NTRK2: variants seen among roughly 807,000 people sequenced by gnomAD.
NTRK2 encodes BDNF/NT-3 growth factors receptor.
Under a neutral mutation model 94.5 loss-of-function variants are expected in NTRK2, and 13 were observed. That is an observed-to-expected ratio of 0.14 (90% CI 0.09 to 0.22). NTRK2 has a LOEUF of 0.22. Ranked by LOEUF, NTRK2 falls within the 10% of genes least tolerant of loss-of-function variation. The probability of loss-of-function intolerance (pLI) is 1.00; values close to 1 mark genes in which losing one functional copy is unlikely to be tolerated. For synonymous variants in NTRK2, 372 were observed against 407.4 expected, an observed-to-expected ratio of 0.91 and a Z score of 1.05; for missense variants, 639 against 1,071.2, an observed-to-expected ratio of 0.60 and a Z score of 5.63.
At chr9:84,812,024 A>G in intron 12 of NTRK2, 1 of 1,050,728 alleles carries the variant, frequency 9.5e-7, no homozygotes, top group Non-Finnish European at 1.1e-6. Flanking sequence ...CACAGACGCC[A>G]TAGCTGGATT....
chr9:84,701,318 A>G (rs1416614283), intron 2 of NTRK2, among the ~76,000 whole-genome samples: 5 of 152,136 alleles, frequency 3.3e-5, no homozygotes, highest in African/African-American at 9.7e-5. Flanking sequence ...TGTAGCAGAA[A>G]ATTTCCCCAT....
upstream of NTRK2, chr9:84,668,803 G>A (rs974786597): frequency 2.6e-5 from 4 of 152,246 alleles, no homozygotes; most frequent in African/African-American, 9.7e-5. Context: ...AGGGGAGCAA[G>A]GGCTTGGGAT....
chr9:84,951,611 C>A (rs1470717604), intron 16 of NTRK2, among the ~76,000 whole-genome samples: 1 of 152,198 alleles, frequency 6.6e-6, no homozygotes, highest in Non-Finnish European at 1.5e-5. Context: ...TTCTCCCTAG[C>A]TCTCCTTCCT....
intron 12 of NTRK2, among the ~76,000 whole-genome samples, chr9:84,783,485 C>T (rs546935374): frequency 6.6e-6 from 1 of 152,262 alleles, no homozygotes; most frequent in Admixed American, 6.5e-5. Context: ...AGATATGTGT[C>T]TGTATCAGGC....
intron 17 of NTRK2, among the ~76,000 whole-genome samples, chr9:84,999,845 TGTTTCCTGTAG>T (rs1457838446): frequency 1.3e-5 from 2 of 152,120 alleles, no homozygotes; most frequent in African/African-American, 4.8e-5. Flanking sequence ...TCCACCCCAC[TGTTTCCTGTAG>T]GTTTCCTCCA....
At chr9:84,881,959 T>C (rs2076266285) in intron 14 of NTRK2, among the ~76,000 whole-genome samples, 1 of 152,222 alleles carries the variant, frequency 6.6e-6, no homozygotes, top group South Asian at 2.1e-4. Context: ...ATTTCTCTCA[T>C]TGAATTTACA....
At chr9:85,010,482 C>T (rs1831442547) in intron 17 of NTRK2, among the ~76,000 whole-genome samples, 2 of 152,138 alleles carry the variant, frequency 1.3e-5, no homozygotes, top group Admixed American at 6.5e-5. Context: ...TTTAAAAAGG[C>T]AGCTTAAAGA....
intron 17 of NTRK2, among the ~76,000 whole-genome samples, chr9:84,994,352 A>C (rs1829466212): frequency 1.3e-5 from 2 of 152,234 alleles, no homozygotes; most frequent in African/African-American, 4.8e-5. Context: ...AATGTTCAAT[A>C]AATGAATGAT....
rs751142057 is a variant in NTRK2 at position 84,973,005 on chromosome 9, C to T, written c.2172+17488C>T. Among the ~76,000 whole-genome samples the T allele has an allele frequency of 5.1e-4, 78 of 152,324 alleles. No individual in the cohort carries two copies. In the Middle Eastern group the frequency reaches 0.017, roughly 33 times the overall value. ...CCATGCTTTCCTTCCTTCTTTCAAACTTGCCAAACTTCATCTGAGCTTTCA... is the reference window on the plus strand; with the variant it reads ...CCATGCTTTCCTTCCTTCTTTCAAATTTGCCAAACTTCATCTGAGCTTTCA... On this transcript the variant is annotated intron_variant, in intron 17 of 18. Coordinates refer to ENST00000277120, the MANE Select transcript of NTRK2 (RefSeq NM_006180.6).
chr9:84,725,678 A>G (rs1359303106), intron 8 of NTRK2, among the ~76,000 whole-genome samples: 1 of 148,608 alleles, frequency 6.7e-6, no homozygotes, highest in Non-Finnish European at 1.5e-5. Context: ...ATATATATGC[A>G]TATGTATAAT....
In NTRK2 at chr9:84,924,229, TAGAAAGAAAGAAAGAAAGAAAGAA is replaced by T. The variant is rs774882842; in HGVS notation, c.1634-9889_1634-9866del. Among the ~76,000 whole-genome samples the T allele has an allele frequency of 2.8e-3, 325 of 115,682 alleles. 1 individual carries two copies. The highest frequency in any genetic ancestry group is 8.7e-3 in the African/African-American group (257 of 29,520). 75.9% of individuals were successfully genotyped at this position (115,682 alleles called of 152,430 possible). On this transcript the variant is annotated intron_variant, in intron 14 of 18. Coordinates refer to ENST00000277120, the MANE Select transcript of NTRK2 (RefSeq NM_006180.6). ...GAGACCCTGTCTCAAAGAAAGAAAG[TAGAAAGAAAGAAAGAAAGAAAGAA>T]AGAAAGAAAGAAAGAAAGAAAGAAA...
intron 10 of NTRK2, among the ~76,000 whole-genome samples, chr9:84,743,397 T>C (rs1450802643): frequency 1.3e-5 from 2 of 152,240 alleles, no homozygotes; most frequent in African/African-American, 4.8e-5. Flanking sequence ...TGTATGTTTA[T>C]TATATGCGTG....
chr9:85,024,342 A>G lies in NTRK2; in HGVS notation c.*2905A>G, dbSNP rs558973674. 3.4e-5 allele frequency: 8 copies of G among 233,146 alleles called. No homozygotes were observed. The highest frequency in any genetic ancestry group is 6.8e-5 in the Non-Finnish European group (8 of 117,966). The allele number at this position is 233,146 out of a possible 1,614,324, so 14.4% of individuals were successfully genotyped here. A position where few individuals can be genotyped will look rare whatever the true frequency, so the allele number is the denominator to read the frequency against. On this transcript the variant is annotated 3_prime_UTR_variant, in exon 19 of 19. Transcript: ENST00000277120. ...GATCACCAAATACGGCCTTCCATCAAATTTGTGAAAACTACAACAGTATAA... is the reference window on the plus strand; with the variant it reads ...GATCACCAAATACGGCCTTCCATCAGATTTGTGAAAACTACAACAGTATAA...
chr9:85,000,933 A>G (rs758930224), intron 17 of NTRK2, among the ~76,000 whole-genome samples: 14 of 152,188 alleles, frequency 9.2e-5, no homozygotes, highest in Non-Finnish European at 1.5e-4. Flanking sequence ...TGATGTTGTC[A>G]GTGTTCTGGA....
Position 85,021,261 on chromosome 9 carries a change from T to C in NTRK2, c.2341T>C (p.Cys781Arg), listed in dbSNP as rs2118000336. 1 of 1,613,900 alleles carries C rather than the reference T, an allele frequency of 6.2e-7. No homozygotes were observed. The highest frequency in any genetic ancestry group is 8.5e-7 in the Non-Finnish European group (1 of 1,179,954). ...TTTGATCTCCATCCAGGTGATAGAG[T>C]GTATCACTCAGGGCCGAGTCCTGCA... The part of the protein sequence containing the change: ...YQLSNNEVIE[C>R]ITQGRVLQRP... Residue 781 changes from cysteine to arginine, a missense_variant, in exon 19 of 19, where the codon TGT becomes CGT. Cys to Arg is a radical substitution (Grantham distance 180). Transcript: ENST00000277120.
At chr9:85,013,030 G>A (rs985258519) in intron 17 of NTRK2, among the ~76,000 whole-genome samples, 1 of 152,206 alleles carries the variant, frequency 6.6e-6, no homozygotes, top group African/African-American at 2.4e-5. Context: ...AGCAGTTCCA[G>A]GAGTGGCAAT....
At chr9:84,742,804 T>G (rs1323994461) in intron 10 of NTRK2, among the ~76,000 whole-genome samples, 5 of 140,972 alleles carry the variant, frequency 3.5e-5, no homozygotes, top group Admixed American at 3.5e-4. Flanking sequence ...TTTTTTTTTT[T>G]TTTTTTTTTT....
chr9:84,673,646 A>G (rs2058845410), intron 2 of NTRK2, among the ~76,000 whole-genome samples: 2 of 152,194 alleles, frequency 1.3e-5, no homozygotes, highest in African/African-American at 4.8e-5. Context: ...AAATAGTGGG[A>G]CATTAAAAAA....
chr9:84,965,372 TGG>T (rs1825433875), intron 17 of NTRK2, among the ~76,000 whole-genome samples: 1 of 152,174 alleles, frequency 6.6e-6, no homozygotes, highest in African/African-American at 2.4e-5. Context: ...ACACGTGTCC[TGG>T]GGAGAAGAGA....
Sources: gnomAD v4.1 joint callset for allele counts (sites outside exome capture counted in the v4.1 genomes callset) on GRCh38, gnomAD v4.1.1 for gene constraint, MANE v1.5 for transcripts, NCBI Gene and HGNC (gene_info 2026-07-23, HGNC 2026-07-21) for gene names.